The following CKAP2L variants were observed in gnomAD, a reference collection of about 807,000 sequenced individuals.
CKAP2L encodes the protein cytoskeleton-associated protein 2-like.
In CKAP2L, 42 loss-of-function variants were observed where a neutral mutation model predicts 65.7. That is an observed-to-expected ratio of 0.64 (90% CI 0.50 to 0.83). The LOEUF (loss-of-function observed/expected upper bound fraction) is 0.83. Ranked by LOEUF, CKAP2L falls within the 40% of genes least tolerant of loss-of-function variation. The probability of loss-of-function intolerance (pLI) is 0.00; values close to 1 mark genes in which losing one functional copy is unlikely to be tolerated. For synonymous variants in CKAP2L, 325 were observed against 313.5 expected (o/e 1.04, Z -0.39); for missense variants, 908 against 871.0 (o/e 1.04, Z -0.53).
intron 7 of CKAP2L, among the ~76,000 whole-genome samples, chr2:112,742,035 C>A (rs1680009893): frequency 6.7e-6 from 1 of 148,654 alleles, no homozygotes; most frequent in Non-Finnish European, 1.5e-5. Context: ...GGTGATCCAC[C>A]TGCCTTGGCC....
intron 8 of CKAP2L, among the ~76,000 whole-genome samples, chr2:112,740,357 ACTGACGCC>A (rs1487655909): frequency 6.6e-6 from 1 of 152,210 alleles, no homozygotes; most frequent in Non-Finnish European, 1.5e-5. Context: ...AGAAAATGAC[ACTGACGCC>A]CTGACATAGC....
intron 8 of CKAP2L, 121 bp from the exon 9 acceptor site, chr2:112,739,169 GAT>G: frequency 1.3e-6 from 1 of 769,276 alleles, no homozygotes; most frequent in South Asian, 1.9e-5. Context: ...TGATACAAGA[GAT>G]ATGTCTAGAG....
chr2:112,744,615 T>C (rs1448742118), intron 6 of CKAP2L, among the ~76,000 whole-genome samples: 1 of 152,028 alleles, frequency 6.6e-6, no homozygotes, highest in Non-Finnish European at 1.5e-5. Flanking sequence ...AGCAAAAGTT[T>C]CTATGTTGAG....
At position 112,757,069 on chromosome 2, in the gene CKAP2L, T is replaced by C. The variant is rs1287505987; in HGVS notation, c.302A>G (p.Lys101Arg). ...PKLEPPKLLG[K>R]RLTSECVSSN... Reference sequence around the variant, plus strand: ...AGAAACACATTCTGAAGTCAGCCTTTTGCCCAGAAGTTTTGGTGGCTCCAA... The same window carrying C: ...AGAAACACATTCTGAAGTCAGCCTTCTGCCCAGAAGTTTTGGTGGCTCCAA... The change falls in exon 4 of 9, where the codon AAA (lysine) becomes AGA (arginine). Residue 101 changes from lysine (K) to arginine (R), a missense_variant. Coordinates refer to ENST00000302450, the MANE Select transcript of CKAP2L (RefSeq NM_152515.5). The C allele has an allele frequency of 6.2e-7, 1 of 1,614,206 alleles. No homozygotes were observed. The highest frequency in any genetic ancestry group is 1.7e-5 in the Admixed American group (1 of 60,028).
At chr2:112,744,379 A>G (rs1377449705) in intron 6 of CKAP2L, among the ~76,000 whole-genome samples, 3 of 152,202 alleles carry the variant, frequency 2.0e-5, no homozygotes, top group Non-Finnish European at 4.4e-5. Context: ...ACAACCTGAC[A>G]GAAAGGCTAA....
chr2:112,750,271 C>T (rs988875088), intron 5 of CKAP2L, among the ~76,000 whole-genome samples: 18 of 152,228 alleles, frequency 1.2e-4, no homozygotes, highest in African/African-American at 4.3e-4. Flanking sequence ...ACCCACACTC[C>T]TTCTGATCCC....
chr2:112,764,417 C>G, intron 1 of CKAP2L, 145 bp downstream of exon 1: 1 of 873,922 alleles, frequency 1.1e-6, no homozygotes, highest in Non-Finnish European at 1.9e-6. Flanking sequence ...GTCCCGTCTG[C>G]GCTCCCGGGA....
At position 112,756,083 on chromosome 2, in the gene CKAP2L, G is replaced by T. The variant is rs1481703640; in HGVS notation, c.1288C>A (p.His430Asn). ...TTGGGAGCTGTCTTGTTCAGAAAAT[G>T]GTTCTGGGGAACAGCCTTTTTCAAC... ...SKLKKAVPQN[H>N]FLNKTAPKTQ... Residue 430 changes from histidine to asparagine, a missense_variant, in exon 4 of 9, where the codon CAT (histidine) becomes AAT (asparagine). Coordinates refer to ENST00000302450, the MANE Select transcript of CKAP2L (RefSeq NM_152515.5). 2 of 1,613,994 alleles carry T rather than the reference G, an allele frequency of 1.2e-6. No homozygotes were observed. The highest frequency in any genetic ancestry group is 1.7e-5 in the Admixed American group (1 of 59,986).
chr2:112,747,670 A>G (rs1163194475), intron 5 of CKAP2L, among the ~76,000 whole-genome samples: 1 of 152,244 alleles, frequency 6.6e-6, no homozygotes, highest in Non-Finnish European at 1.5e-5. Context: ...AAATCCAGGT[A>G]CTGGCACACT....
chr2:112,762,103 C>A (rs770793301), intron 2 of CKAP2L, among the ~76,000 whole-genome samples: 1 of 152,156 alleles, frequency 6.6e-6, no homozygotes, highest in East Asian at 1.9e-4. Context: ...CACTCTGCTA[C>A]GGAGGATTGA....
At position 112,752,322 on chromosome 2, in the gene CKAP2L, T is replaced by G; in HGVS notation, c.1547A>C (p.Glu516Ala). Residue 516 changes from glutamate to alanine, a missense_variant, in exon 5 of 9, where the codon GAA becomes GCA. Coordinates refer to ENST00000302450, the MANE Select transcript of CKAP2L (RefSeq NM_152515.5). ...KEEEEKKAQLELSSKINNTLT... is the reference protein window; with the variant it reads ...KEEEEKKAQLALSSKINNTLT... Reference sequence around the variant, plus strand: ...AGTGTTGTTAATTTTACTGGACAGTTCGAGTTGTGCTTTCTTTTCTTCCTC... The same window carrying G: ...AGTGTTGTTAATTTTACTGGACAGTGCGAGTTGTGCTTTCTTTTCTTCCTC... 1.9e-6 allele frequency: 3 copies of G among 1,614,064 alleles called. No homozygotes were observed. The highest frequency in any genetic ancestry group is 2.5e-6 in the Non-Finnish European group (3 of 1,179,950).
At chr2:112,745,504 C>A (rs1186936578) in intron 6 of CKAP2L, among the ~76,000 whole-genome samples, 4 of 151,874 alleles carry the variant, frequency 2.6e-5, no homozygotes, top group Non-Finnish European at 5.9e-5. Flanking sequence ...CTCAGCCTCC[C>A]GAGTAGCTGG....
At chr2:112,742,427 A>G (rs1450758785) in intron 7 of CKAP2L, 1 of 717,512 alleles carries the variant, frequency 1.4e-6, no homozygotes, top group Admixed American at 2.0e-5. Context: ...TCCAGCAAAG[A>G]GCTGTTTGTC....
At chr2:112,760,816 A>C (rs759681364) in intron 2 of CKAP2L, 52 bp from the exon 3 acceptor site, 2 of 929,328 alleles carry the variant, frequency 2.2e-6, no homozygotes, top group Non-Finnish European at 3.4e-6. Flanking sequence ...TTCTAAGCTA[A>C]GCTTGGGAAG....
intron 4 of CKAP2L, among the ~76,000 whole-genome samples, chr2:112,755,392 G>T (rs1435793991): frequency 6.6e-6 from 1 of 152,058 alleles, no homozygotes; most frequent in Non-Finnish European, 1.5e-5. Context: ...CGCTCACCTC[G>T]GCCTCCCAAA....
rs116342308 is a variant in CKAP2L, at chr2:112,738,977, C to A, written c.2084G>T (p.Arg695Leu). 1 of 1,614,066 alleles carries A rather than the reference C, an allele frequency of 6.2e-7. No homozygotes were observed. Among genetic ancestry groups the A allele is most frequent in the Admixed American group, 1.7e-5 (1 of 59,992 alleles). The change falls in exon 9 of 9, where the codon CGA (arginine) becomes CTA (leucine). Residue 695 changes from arginine to leucine, a missense_variant. Physicochemically the swap from Arg to Leu is moderately radical, Grantham distance 102. Transcript: ENST00000302450. ...CATTTCTGGGTAGCGGGACACTGCT[C>A]GCTCAATCCTCGACGAACGCCGTAC... ...TPVRRSSRIERAVSRYPEMLQ... is the reference protein window; with the variant it reads ...TPVRRSSRIELAVSRYPEMLQ...
intron 8 of CKAP2L, among the ~76,000 whole-genome samples, 197 bp downstream of exon 8, chr2:112,740,621 G>A (rs938211022): frequency 1.3e-5 from 2 of 152,172 alleles, no homozygotes; most frequent in Admixed American, 1.3e-4. Flanking sequence ...GGATCTGCAA[G>A]TGCAGGACAA....
At chr2:112,762,386 G>C in intron 2 of CKAP2L, 117 bp downstream of exon 2, 1 of 748,540 alleles carries the variant, frequency 1.3e-6, no homozygotes, top group South Asian at 1.6e-5. Flanking sequence ...CGTTATCATA[G>C]AATCCCAGTG....
intron 2 of CKAP2L, 86 bp downstream of exon 2, chr2:112,762,417 C>A (rs1429695108): frequency 1.1e-5 from 11 of 1,012,378 alleles, no homozygotes; most frequent in Non-Finnish European, 1.7e-5. Flanking sequence ...AGACTCTAAG[C>A]AAAAGGGACA....
Sources: gnomAD v4.1 joint callset for allele counts (sites outside exome capture counted in the v4.1 genomes callset) on GRCh38, gnomAD v4.1.1 for gene constraint, MANE v1.5 for transcripts, NCBI Gene and HGNC (gene_info 2026-07-23, HGNC 2026-07-21) for gene names.